Variants in CACNA1E observed in about 807,000 individuals in gnomAD.
CACNA1E encodes voltage-dependent R-type calcium channel subunit alpha-1E.
CACNA1E carries 40 observed loss-of-function variants against 259.2 expected under a neutral mutation model. The ratio of observed to expected loss-of-function variants is 0.15; its 90% CI spans 0.12 to 0.20. CACNA1E has a LOEUF of 0.20. Among genes scored for constraint, CACNA1E ranks in the 10% least tolerant of loss-of-function variants. The pLI is 1.00. For missense variants in CACNA1E, 1,874 were observed against 3,040.1 expected, an observed-to-expected ratio of 0.62 and a Z score of 9.02; for synonymous variants, 1,104 against 1,138.5, an observed-to-expected ratio of 0.97 and a Z score of 0.61.
intron 6 of CACNA1E, among the ~76,000 whole-genome samples, chr1:181,616,321 T>C (rs1655203896): frequency 6.8e-6 from 1 of 147,674 alleles, no homozygotes; most frequent in Non-Finnish European, 1.5e-5. Context: ...TGGAGGTTTT[T>C]TGTTTGTTTG....
chr1:181,336,463 A>G (rs1466024416), intron 1 of CACNA1E, among the ~76,000 whole-genome samples: 1 of 152,210 alleles, frequency 6.6e-6, no homozygotes, highest in Non-Finnish European at 1.5e-5. Flanking sequence ...CTGTTAAAGG[A>G]AGGAGCAAGG....
In CACNA1E at chr1:181,497,940, C is replaced by T. The variant is rs998261029; in HGVS notation, c.267-12537C>T. On this transcript the variant is annotated intron_variant, in intron 1 of 47. Transcript: ENST00000367573. ...GGGTCACTGGAATGCGAGCTTGAGT[C>T]GGAATCTGAGATCTTTGCTATTTTG... Among the ~76,000 whole-genome samples, 10 of 152,298 alleles carry T rather than the reference C, an allele frequency of 6.6e-5. No individual in the cohort carries two copies. The East Asian group carries it at 1.7e-3, about 26-fold the overall frequency.
intron 37 of CACNA1E, among the ~76,000 whole-genome samples, chr1:181,774,676 GC>G (rs1659817008): frequency 6.6e-6 from 1 of 152,188 alleles, no homozygotes; most frequent in Non-Finnish European, 1.5e-5. Context: ...GAAGAGTCTG[GC>G]TGTTAGGTAT....
chr1:181,795,767 AAT>A lies in CACNA1E; in HGVS notation c.6208+742_6208+743del, dbSNP rs72040839. Among the ~76,000 whole-genome samples, 163 of 113,140 alleles carry A rather than the reference AAT, an allele frequency of 1.4e-3. 1 individual carries two copies. The highest frequency in any genetic ancestry group is 1.8e-3 in the African/African-American group (59 of 32,972). 74.2% of individuals were successfully genotyped at this position (113,140 alleles called of 152,430 possible). A position where few individuals can be genotyped will look rare whatever the true frequency, so the allele number is the denominator to read the frequency against. On this transcript the variant is annotated intron_variant, in intron 46 of 47. Coordinates refer to ENST00000367573, the MANE Select transcript of CACNA1E (RefSeq NM_001205293.3). ...AATTTCTTTTAAGCTTTTTGCTTTA[AAT>A]ATATATATATATATATATTAGTCTG... is the stretch of plus-strand genomic sequence containing the variant.
chr1:181,731,765 G>A (rs2102544915), intron 19 of CACNA1E, among the ~76,000 whole-genome samples: 1 of 152,192 alleles, frequency 6.6e-6, no homozygotes, highest in Non-Finnish European at 1.5e-5. Context: ...TTTTGAGTAT[G>A]AGCTGCTGGT....
At chr1:181,647,637 G>A (rs951033701) in intron 6 of CACNA1E, among the ~76,000 whole-genome samples, 9 of 152,242 alleles carry the variant, frequency 5.9e-5, no homozygotes, top group Admixed American at 3.9e-4. Flanking sequence ...CTCAAAGGAC[G>A]CTTGAGTCAT....
intron 2 of CACNA1E, among the ~76,000 whole-genome samples, chr1:181,458,431 G>A (rs1222884155): frequency 6.6e-6 from 1 of 152,216 alleles, no homozygotes; most frequent in Non-Finnish European, 1.5e-5. Context: ...GCCTGGCAAG[G>A]CATAGACTGC....
intron 1 of CACNA1E, among the ~76,000 whole-genome samples, chr1:181,504,896 C>T (rs906839556): frequency 6.6e-6 from 1 of 152,202 alleles, no homozygotes; most frequent in Non-Finnish European, 1.5e-5. Context: ...TGGAGCAACA[C>T]AGGTCCTCAT....
chr1:181,694,188 A>G (rs1651477688), intron 7 of CACNA1E, among the ~76,000 whole-genome samples: 1 of 152,224 alleles, frequency 6.6e-6, no homozygotes. Context: ...TCGTGAATGC[A>G]ATGTTGATTT....
intron 6 of CACNA1E, among the ~76,000 whole-genome samples, chr1:181,634,749 C>T (rs1164603132): frequency 6.6e-6 from 1 of 152,120 alleles, no homozygotes; most frequent in African/African-American, 2.4e-5. Context: ...TCCACAGAGG[C>T]AGGAGCCTAT....
At chr1:181,427,706 C>T (rs990989106) in intron 2 of CACNA1E, among the ~76,000 whole-genome samples, 1 of 146,272 alleles carries the variant, frequency 6.8e-6, no homozygotes, top group Admixed American at 6.8e-5. Context: ...TCTCTCATCT[C>T]AGCCCCTCCC....
chr1:181,596,460 C>T (rs757093040), intron 6 of CACNA1E, among the ~76,000 whole-genome samples: 26 of 152,028 alleles, frequency 1.7e-4, no homozygotes, highest in Non-Finnish European at 3.5e-4. Flanking sequence ...GGCAGGTGTA[C>T]AAGGAAGAAC....
intron 6 of CACNA1E, among the ~76,000 whole-genome samples, chr1:181,583,103 TACACACACACACACACAC>T (rs34193608): frequency 5.5e-5 from 8 of 144,988 alleles, no homozygotes; most frequent in Non-Finnish European, 1.2e-4. Flanking sequence ...GGACTGTTCC[TACACACACACACACACAC>T]ACACACACAC....
chr1:181,444,909 C>T (rs1418146917), intron 2 of CACNA1E, among the ~76,000 whole-genome samples: 1 of 152,090 alleles, frequency 6.6e-6, no homozygotes, highest in Non-Finnish European at 1.5e-5. Context: ...CCATTTTTCC[C>T]AGCTGTGGTT....
intron 25 of CACNA1E, among the ~76,000 whole-genome samples, chr1:181,745,704 T>G (rs1312961747): frequency 6.6e-6 from 1 of 152,130 alleles, no homozygotes; most frequent in African/African-American, 2.4e-5. Flanking sequence ...CAAATTAGTC[T>G]TCAGTGGGAC....
chr1:181,392,279 C>G (rs1218095855), intron 1 of CACNA1E, among the ~76,000 whole-genome samples: 2 of 152,146 alleles, frequency 1.3e-5, no homozygotes, highest in Non-Finnish European at 2.9e-5. Context: ...CCCTCCATGC[C>G]TTTGCATGTA....
Position 181,710,951 on chromosome 1 carries a change from C to A in CACNA1E, c.1056-3C>A. On this transcript the variant is annotated splice_polypyrimidine_tract_variant and splice_region_variant and intron_variant, in intron 7 of 47. Transcript: ENST00000367573. ...CAGTGAATCTTATCCTTCTTGTCCA[C>A]AGGGAATTTGCCAAAGAGAGAGAGA... The A allele has an allele frequency of 6.2e-7, 1 of 1,604,806 alleles. No individual in the cohort carries two copies. Among genetic ancestry groups the A allele is most frequent in the Non-Finnish European group, 8.5e-7 (1 of 1,171,838 alleles).
chr1:181,442,453 G>T (rs549460547), intron 2 of CACNA1E, among the ~76,000 whole-genome samples: 1 of 148,240 alleles, frequency 6.7e-6, no homozygotes, highest in South Asian at 2.2e-4. Flanking sequence ...GGGAATGGAT[G>T]TGGGGGACAC....
At chr1:181,779,137 C>T (rs142009651) in intron 38 of CACNA1E, among the ~76,000 whole-genome samples, 4 of 152,316 alleles carry the variant, frequency 2.6e-5, no homozygotes, top group Non-Finnish European at 2.9e-5. Flanking sequence ...CTAGCTAGAG[C>T]CAGGGCTGTG....
Sources: gnomAD v4.1 joint callset for allele counts (sites outside exome capture counted in the v4.1 genomes callset) on GRCh38, gnomAD v4.1.1 for gene constraint, MANE v1.5 for transcripts, NCBI Gene and HGNC (gene_info 2026-07-23, HGNC 2026-07-21) for gene names.